Variants in BATF observed in about 807,000 individuals in gnomAD.
The protein encoded by BATF is basic leucine zipper transcriptional factor ATF-like.
A neutral mutation model predicts 13.7 loss-of-function variants in BATF; 5 were observed. That is an observed-to-expected ratio of 0.36 (90% CI 0.19 to 0.77). The LOEUF is 0.77. Ranked by LOEUF, BATF falls within the 30% of genes least tolerant of loss-of-function variation. The pLI is 0.51. For missense variants in BATF, 124 were observed against 163.0 expected (o/e 0.76, Z 1.30); for synonymous variants, 72 against 67.5 (o/e 1.07, Z -0.33).
chr14:75,538,573 G>A (rs1306781385), intron 2 of BATF, among the ~76,000 whole-genome samples: 1 of 152,088 alleles, frequency 6.6e-6, no homozygotes, highest in East Asian at 1.9e-4. Context: ...TAAGTACACA[G>A]ATACTCTGTC....
intron 2 of BATF, among the ~76,000 whole-genome samples, chr14:75,543,794 G>T (rs1450521144): frequency 6.6e-6 from 1 of 151,202 alleles, no homozygotes; most frequent in Non-Finnish European, 1.5e-5. Context: ...TCGCACCATT[G>T]TACTCCAGCC....
chr14:75,528,946 AAG>A (rs1185404301), intron 2 of BATF, among the ~76,000 whole-genome samples: 1 of 152,260 alleles, frequency 6.6e-6, no homozygotes, highest in Admixed American at 6.5e-5. Context: ...AAAAATTATG[AAG>A]AGTGTATCCT....
At chr14:75,543,878 C>G (rs1050123393) in intron 2 of BATF, among the ~76,000 whole-genome samples, 1 of 151,968 alleles carries the variant, frequency 6.6e-6, no homozygotes, top group African/African-American at 2.4e-5. Context: ...AAGCGATCCT[C>G]TCACCTCGGC....
chr14:75,523,937 G>C (rs529752624), intron 1 of BATF, among the ~76,000 whole-genome samples: 1 of 152,132 alleles, frequency 6.6e-6, no homozygotes, highest in South Asian at 2.1e-4. Context: ...ATTACTCATG[G>C]CTTCCATGGT....
At chr14:75,534,043 G>A (rs753883442) in intron 2 of BATF, among the ~76,000 whole-genome samples, 5 of 152,122 alleles carry the variant, frequency 3.3e-5, no homozygotes, top group Admixed American at 6.6e-5. Context: ...CAGAACATAC[G>A]GCTATACATG....
chr14:75,532,427 CATG>C (rs1252467002), intron 2 of BATF, among the ~76,000 whole-genome samples: 2 of 152,200 alleles, frequency 1.3e-5, no homozygotes, highest in East Asian at 3.9e-4. Flanking sequence ...TCATATATAT[CATG>C]ATATCAACAT....
intron 2 of BATF, among the ~76,000 whole-genome samples, chr14:75,539,733 T>C (rs1185710590): frequency 6.6e-6 from 1 of 152,118 alleles, no homozygotes; most frequent in East Asian, 1.9e-4. Context: ...CACACGTGCA[T>C]TATTCAGCGC....
At chr14:75,530,011 C>T (rs943030548) in intron 2 of BATF, among the ~76,000 whole-genome samples, 11 of 147,458 alleles carry the variant, frequency 7.5e-5, no homozygotes, top group African/African-American at 2.7e-4. Context: ...TTGCAGTGAA[C>T]CAAGATAGCG....
chr14:75,546,483 CAG>C lies in BATF; in HGVS notation c.192_193del (p.Asn65ArgfsTer113). 1 of 1,614,192 alleles carries C rather than the reference CAG, an allele frequency of 6.2e-7. No homozygotes were observed. Among genetic ancestry groups the C allele is most frequent in the Non-Finnish European group, 8.5e-7 (1 of 1,180,034 alleles). On this transcript the variant is annotated frameshift_variant, in exon 3 of 3. Transcript: ENST00000286639. LOFTEE classifies it high-confidence loss of function. ...ACAGGAGAGCGAAGACCTGGAGAAA[CAG>C]AACGCGGCTCTACGCAAGGAGATCA... The part of the protein sequence containing the change: ...LHLESEDLEK[Q>X]NAALRKEIKQ...
At chr14:75,545,388 A>ATTTTTTTTTT (rs35791450) in intron 2 of BATF, among the ~76,000 whole-genome samples, 73 of 105,142 alleles carry the variant, frequency 6.9e-4, no homozygotes, top group Non-Finnish European at 1.0e-3. Context: ...CGCCTGGTTA[A>ATTTTTTTTTT]TTTTTTTTTT....
intron 2 of BATF, among the ~76,000 whole-genome samples, chr14:75,539,105 TAC>T (rs1887859499): frequency 6.6e-6 from 1 of 152,256 alleles, no homozygotes; most frequent in Non-Finnish European, 1.5e-5. Context: ...AATCATGGCC[TAC>T]TTTTCTCATG....
At chr14:75,532,782 T>C (rs1340520830) in intron 2 of BATF, among the ~76,000 whole-genome samples, 3 of 152,200 alleles carry the variant, frequency 2.0e-5, no homozygotes, top group African/African-American at 4.8e-5. Context: ...AAGATGTCAG[T>C]GATACAGCAT....
At chr14:75,526,424 C>T (rs766409539) in intron 2 of BATF, among the ~76,000 whole-genome samples, 1 of 152,180 alleles carries the variant, frequency 6.6e-6, no homozygotes, top group Non-Finnish European at 1.5e-5. Context: ...AATCAATAAG[C>T]TTGTATTTAT....
intron 2 of BATF, among the ~76,000 whole-genome samples, chr14:75,527,724 G>A (rs1413896372): frequency 6.6e-6 from 1 of 152,166 alleles, no homozygotes; most frequent in African/African-American, 2.4e-5. Flanking sequence ...AAGTCATATA[G>A]TCAACATATC....
At chr14:75,522,829 G>T in intron 1 of BATF, 84 bp downstream of exon 1, 1 of 1,557,084 alleles carries the variant, frequency 6.4e-7, no homozygotes, top group Non-Finnish European at 8.8e-7. Flanking sequence ...CCTGCCCAGG[G>T]AGCTGAGGAT....
At chr14:75,530,182 A>G (rs1887713901) in intron 2 of BATF, among the ~76,000 whole-genome samples, 1 of 152,208 alleles carries the variant, frequency 6.6e-6, no homozygotes, top group Admixed American at 6.5e-5. Context: ...TTAGTTAGGA[A>G]AATGCCAATT....
intron 2 of BATF, among the ~76,000 whole-genome samples, chr14:75,527,732 A>C (rs565738241): frequency 1.4e-4 from 22 of 152,282 alleles, no homozygotes; most frequent in Non-Finnish European, 2.4e-4. Flanking sequence ...TAGTCAACAT[A>C]TCCATAGCCA....
intron 2 of BATF, among the ~76,000 whole-genome samples, chr14:75,533,681 A>T (rs916056957): frequency 6.6e-6 from 1 of 152,114 alleles, no homozygotes; most frequent in African/African-American, 2.4e-5. Context: ...GGTCCACAGT[A>T]TAAAGGCCCC....
chr14:75,542,228 A>G (rs146127557), intron 2 of BATF, among the ~76,000 whole-genome samples: 40 of 152,314 alleles, frequency 2.6e-4, no homozygotes, highest in Non-Finnish European at 3.2e-4. Context: ...CCAGGGTCTC[A>G]GTTGTCCTCA....
Sources: allele counts gnomAD v4.1 joint callset (sites outside exome capture counted in the v4.1 genomes callset), GRCh38; gene constraint gnomAD v4.1.1; transcripts MANE v1.5; gene names NCBI Gene and HGNC (gene_info 2026-07-23, HGNC 2026-07-21).